PDE4DIP: variants seen among roughly 807,000 people sequenced by gnomAD.
PDE4DIP encodes the protein phosphodiesterase 4D interacting protein.
In PDE4DIP, 59 loss-of-function variants were observed where a neutral mutation model predicts 221.4. The ratio of observed to expected loss-of-function variants is 0.27; its 90% confidence interval spans 0.22 to 0.33. The LOEUF is 0.33. PDE4DIP is among the 10% of genes least tolerant of loss of function. PDE4DIP has a pLI of 1.00. For synonymous variants in PDE4DIP, 404 were observed against 815.9 expected, an observed-to-expected ratio of 0.50 and a Z score of 8.60; for missense variants, 1,036 against 2,154.2, an observed-to-expected ratio of 0.48 and a Z score of 10.28.
chr1:148,978,129 T>A, intron 18 of PDE4DIP, 76 bp downstream of exon 21: 1 of 1,402,140 alleles, frequency 7.1e-7, no homozygotes, highest in Non-Finnish European at 1.0e-6. Flanking sequence ...CAGACAATAT[T>A]TGCACACATC....
chr1:148,861,668 G>C (rs1684235924), intron 1 of PDE4DIP, among the ~76,000 whole-genome samples: 1 of 112,842 alleles, frequency 8.9e-6, no homozygotes, highest in South Asian at 2.8e-4. Flanking sequence ...GAGAAAGAGA[G>C]AAGTCCTCTA....
intron 37 of PDE4DIP, among the ~76,000 whole-genome samples, chr1:149,023,774 GTGTGTA>G (rs2074080100): frequency 8.7e-6 from 1 of 114,350 alleles, no homozygotes; most frequent in African/African-American, 3.3e-5. Context: ...ACATGTATAT[GTGTGTA>G]CATATATATG....
intron 21 of PDE4DIP, chr1:148,981,738 CA>C (rs2061110648): frequency 3.9e-6 from 1 of 259,322 alleles, no homozygotes; most frequent in Admixed American, 4.4e-5. Context: ...CTCGTTCCCT[CA>C]TCCCTTCTGT....
chr1:149,029,070 A>G (rs1208865975), intron 41 of PDE4DIP, among the ~76,000 whole-genome samples: 2 of 151,898 alleles, frequency 1.3e-5, no homozygotes, highest in Non-Finnish European at 2.9e-5. Context: ...CCCATCTCCC[A>G]CCCCTCAGGT....
intron 37 of PDE4DIP, among the ~76,000 whole-genome samples, chr1:149,023,912 TACAC>T (rs797035567): frequency 3.3e-5 from 5 of 150,052 alleles, no homozygotes; most frequent in African/African-American, 4.9e-5. Context: ...TATATATATG[TACAC>T]ACACACACAC....
chr1:148,941,388 G>A (rs1238233639), intron 5 of PDE4DIP, among the ~76,000 whole-genome samples: 3 of 108,142 alleles, frequency 2.8e-5, no homozygotes, highest in Non-Finnish European at 5.6e-5. Flanking sequence ...CCAAAAATAA[G>A]TATTGGAGAA....
intron 5 of PDE4DIP, among the ~76,000 whole-genome samples, chr1:148,951,779 G>A (rs2053349524): frequency 1.3e-5 from 2 of 152,304 alleles, no homozygotes; most frequent in South Asian, 4.1e-4. Flanking sequence ...AGAAGGGCAA[G>A]TCACCCACGG....
At chr1:148,998,363 T>A in exon 23 of PDE4DIP, 6 of 1,586,464 alleles carry the variant, frequency 3.8e-6, no homozygotes, top group Non-Finnish European at 5.2e-6. Flanking sequence ...TTCTCCTCAG[T>A]GTCCCACATC....
intron 1 of PDE4DIP, among the ~76,000 whole-genome samples, chr1:148,830,455 C>G (rs1186576233): frequency 1.1e-5 from 1 of 91,604 alleles, no homozygotes; most frequent in Admixed American, 1.1e-4. Context: ...ACTTTAAGTT[C>G]TAGGGTACAT....
chr1:149,018,003 T>C, intron 34 of PDE4DIP, 124 bp downstream of exon 37: 1 of 766,262 alleles, frequency 1.3e-6, no homozygotes. Flanking sequence ...GGGCAAGTAC[T>C]GTCATCCCTA....
intron 21 of PDE4DIP, chr1:148,983,693 CTCTT>C (rs1453792961): frequency 1.3e-5 from 2 of 152,508 alleles, no homozygotes; most frequent in East Asian, 1.9e-4. Flanking sequence ...GGAGCACAGA[CTCTT>C]TCTCATACTG....
rs781878785 is a variant in PDE4DIP at position 149,028,545 on chromosome 1, G to A, written c.6670-15G>A. 3.7e-5 allele frequency: 60 copies of A among 1,608,588 alleles called. No individual in the cohort carries two copies. The East Asian group carries it at 1.2e-3, about 32-fold the overall frequency. ...AAAGTAATCTCTCCGCTCCTGTGGT[G>A]TTACCTTTCCCCAGGTGCTAGGCAG... On this transcript the variant is annotated splice_polypyrimidine_tract_variant and intron_variant, in intron 40 of 43. Coordinates refer to ENST00000369354, the Ensembl canonical transcript of PDE4DIP.
At chr1:148,938,047 G>A in intron 5 of PDE4DIP, 183 bp downstream of exon 8, 1 of 491,542 alleles carries the variant, frequency 2.0e-6, no homozygotes, top group South Asian at 2.2e-5. Flanking sequence ...ATATGGCTTA[G>A]CTGAGATCTG....
intron 5 of PDE4DIP, among the ~76,000 whole-genome samples, chr1:148,951,618 G>A (rs1349778176): frequency 6.6e-6 from 1 of 151,846 alleles, no homozygotes; most frequent in Non-Finnish European, 1.5e-5. Flanking sequence ...CTGAGGGAAA[G>A]GGACTTCAAT....
intron 14 of PDE4DIP, among the ~76,000 whole-genome samples, chr1:148,970,039 G>A (rs1310136442): frequency 6.6e-6 from 1 of 151,940 alleles, no homozygotes; most frequent in African/African-American, 2.4e-5. Context: ...TCATTTCTAT[G>A]TGTTTTCTCC....
intron 14 of PDE4DIP, among the ~76,000 whole-genome samples, chr1:148,969,889 A>G (rs1207582657): frequency 1.3e-5 from 2 of 152,084 alleles, no homozygotes; most frequent in African/African-American, 4.8e-5. Flanking sequence ...TATTTTTAGT[A>G]GAGATGGGGT....
At chr1:148,987,212 G>T (rs1574904902) in intron 21 of PDE4DIP, among the ~76,000 whole-genome samples, 1 of 152,284 alleles carries the variant, frequency 6.6e-6, no homozygotes, top group East Asian at 1.9e-4. Context: ...TTTGACTGCA[G>T]ACAGCAGTTT....
intron 5 of PDE4DIP, among the ~76,000 whole-genome samples, chr1:148,949,541 G>C (rs1250841033): frequency 6.6e-6 from 1 of 151,996 alleles, no homozygotes; most frequent in Non-Finnish European, 1.5e-5. Flanking sequence ...ATGATACACA[G>C]TATGTAGAAT....
chr1:148,893,045 T>G (rs1186324108), intron 1 of PDE4DIP, among the ~76,000 whole-genome samples: 9 of 109,950 alleles, frequency 8.2e-5, no homozygotes, highest in Non-Finnish European at 1.1e-4. Context: ...GGCTAATTAT[T>G]TATATATATA....
Sources: allele counts gnomAD v4.1 joint callset (sites outside exome capture counted in the v4.1 genomes callset), GRCh38; gene constraint gnomAD v4.1.1; transcripts MANE v1.5; gene names NCBI Gene and HGNC (gene_info 2026-07-23, HGNC 2026-07-21).